The following PEAK1 variants were observed in gnomAD, a reference collection of about 807,000 sequenced individuals.
PEAK1 encodes the protein pseudopodium enriched atypical kinase 1.
In PEAK1, 54 loss-of-function variants were observed where a neutral mutation model predicts 124.7. The ratio of observed to expected loss-of-function variants is 0.43; its 90% CI spans 0.35 to 0.54. The LOEUF is 0.54. Ranked by LOEUF, PEAK1 falls within the 20% of genes least tolerant of loss-of-function variation. PEAK1 has a pLI of 0.01. For missense variants in PEAK1, 2,046 were observed against 2,134.5 expected (o/e 0.96, Z 0.82); for synonymous variants, 719 against 760.0 (o/e 0.95, Z 0.89).
At chr15:77,182,490 G>A (rs79036117) in intron 6 of PEAK1, among the ~76,000 whole-genome samples, 33,875 of 151,864 alleles carry the variant, frequency 0.22, 4,221 homozygotes, top group Middle Eastern at 0.29. Flanking sequence ...GCTCATGCCT[G>A]TAATCTCAGC....
At chr15:77,362,046 T>A (rs943834591) in intron 2 of PEAK1, among the ~76,000 whole-genome samples, 1 of 152,070 alleles carries the variant, frequency 6.6e-6, no homozygotes, top group Non-Finnish European at 1.5e-5. Context: ...CAGGGAGAGA[T>A]TTGTTAAAGA....
intron 2 of PEAK1, chr15:77,352,836 A>C (rs972210746): frequency 2.0e-6 from 2 of 985,430 alleles, no homozygotes; most frequent in Non-Finnish European, 2.4e-6. Flanking sequence ...ACAGGTGTTC[A>C]TAACAGCTTT....
At chr15:77,281,561 C>A (rs1018689104) in intron 5 of PEAK1, among the ~76,000 whole-genome samples, 1 of 152,084 alleles carries the variant, frequency 6.6e-6, no homozygotes, top group Admixed American at 6.6e-5. Flanking sequence ...CTAGAAAACC[C>A]TCATTGCAAT....
chr15:77,248,567 C>A (rs985125574), intron 6 of PEAK1, among the ~76,000 whole-genome samples: 1 of 152,130 alleles, frequency 6.6e-6, no homozygotes, highest in Non-Finnish European at 1.5e-5. Flanking sequence ...TCACTTGCCC[C>A]TTCTGCCATG....
chr15:77,196,479 T>C (rs1309302337), intron 6 of PEAK1, among the ~76,000 whole-genome samples: 1 of 152,206 alleles, frequency 6.6e-6, no homozygotes, highest in African/African-American at 2.4e-5. Context: ...AGTAGGAAAT[T>C]CCCCAAATCT....
intron 1 of PEAK1, chr15:77,381,194 C>T (rs1252199659): frequency 1.0e-6 from 1 of 977,574 alleles, no homozygotes; most frequent in African/African-American, 1.8e-5. Flanking sequence ...TAATCTAGGA[C>T]TACAGTTGGG....
chr15:77,354,392 T>G (rs2067380299), intron 2 of PEAK1, among the ~76,000 whole-genome samples: 1 of 152,226 alleles, frequency 6.6e-6, no homozygotes, highest in Non-Finnish European at 1.5e-5. Context: ...CTCTTCAAGT[T>G]ATCTCCTATC....
At chr15:77,396,846 T>A (rs1226134048) in intron 1 of PEAK1, among the ~76,000 whole-genome samples, 49 of 151,948 alleles carry the variant, frequency 3.2e-4, no homozygotes, top group Non-Finnish European at 5.9e-5. Context: ...TAAAGAGAGA[T>A]CTAGATCCCA....
At chr15:77,371,390 T>C in intron 1 of PEAK1, 1 of 947,624 alleles carries the variant, frequency 1.1e-6, no homozygotes, top group Non-Finnish European at 1.3e-6. Flanking sequence ...GAAAGTGTTG[T>C]AAAAGTGAAG....
At chr15:77,412,390 A>C (rs2072485561) in intron 1 of PEAK1, among the ~76,000 whole-genome samples, 1 of 152,198 alleles carries the variant, frequency 6.6e-6, no homozygotes, top group African/African-American at 2.4e-5. Context: ...CACCGTCCTC[A>C]AGTCTTCCTC....
chr15:77,283,835 AC>A, intron 5 of PEAK1, 47 bp downstream of exon 5: 1 of 919,082 alleles, frequency 1.1e-6, no homozygotes, highest in East Asian at 1.2e-4. Context: ...ATAAATGAAA[AC>A]CAAAATTAAA....
rs1462211130 is a variant in PEAK1 at position 77,313,726 on chromosome 15, G to GTGTA, written c.-602-27223_-602-27222insTACA. Among the ~76,000 whole-genome samples the GTGTA allele has an allele frequency of 2.7e-3, 298 of 108,566 alleles. 10 individuals are homozygous for GTGTA. Among genetic ancestry groups the GTGTA allele is most frequent in the African/African-American group, 9.5e-3 (277 of 29,262 alleles). 71.2% of individuals were successfully genotyped at this position (108,566 alleles called of 152,430 possible). On this transcript the variant is annotated intron_variant, in intron 2 of 9. Transcript: ENST00000682557. ...TATATGTATGTGTGTGTGTGTGTGT[G>GTGTA]TATATATATATATATTTATTTATTT... is the stretch of plus-strand genomic sequence containing the variant.
intron 6 of PEAK1, among the ~76,000 whole-genome samples, chr15:77,188,910 A>C (rs2057685312): frequency 6.6e-6 from 1 of 152,238 alleles, no homozygotes; most frequent in Middle Eastern, 3.4e-3. Flanking sequence ...AAAACTCATA[A>C]TTCGGCCAGG....
intron 2 of PEAK1, among the ~76,000 whole-genome samples, chr15:77,360,632 C>T (rs1304466352): frequency 6.6e-6 from 1 of 152,068 alleles, no homozygotes; most frequent in Non-Finnish European, 1.5e-5. Flanking sequence ...ACTGACTCTT[C>T]TTTATAGGTG....
chr15:77,202,593 C>T (rs953587812), intron 6 of PEAK1, among the ~76,000 whole-genome samples: 4 of 151,252 alleles, frequency 2.6e-5, no homozygotes, highest in Non-Finnish European at 4.4e-5. Context: ...GGTGAAACCC[C>T]GTCTCTACTA....
At chr15:77,279,536 T>C (rs1022548674) in intron 5 of PEAK1, among the ~76,000 whole-genome samples, 6 of 152,134 alleles carry the variant, frequency 3.9e-5, no homozygotes, top group South Asian at 2.1e-4. Flanking sequence ...CATTTCCAGA[T>C]TGTGGATCTT....
rs75912962 is a variant in PEAK1, at chr15:77,312,846, G to A, written c.-602-26342C>T. 4.3e-3 allele frequency among the ~76,000 whole-genome samples: 652 copies of A among 152,266 alleles called. 1 individual carries two copies. The highest frequency in any genetic ancestry group is 0.013 in the African/African-American group (557 of 41,550). Reference sequence around the variant, plus strand: ...GTCCCTGGCCAGCACTGTGTCACAGGGCCAACCCTAGCTGAAAGATGTCTA... The same window carrying A: ...GTCCCTGGCCAGCACTGTGTCACAGAGCCAACCCTAGCTGAAAGATGTCTA... On this transcript the variant is annotated intron_variant, in intron 2 of 9. Transcript: ENST00000682557.
chr15:77,401,538 C>A (rs1443283062), intron 1 of PEAK1: 2 of 974,690 alleles, frequency 2.1e-6, no homozygotes, highest in East Asian at 1.1e-4. Context: ...AATCACATTT[C>A]TTTTGTTTCT....
chr15:77,190,947 A>C (rs1359026949), intron 6 of PEAK1, among the ~76,000 whole-genome samples: 1 of 152,192 alleles, frequency 6.6e-6, no homozygotes, highest in Non-Finnish European at 1.5e-5. Context: ...GTTTTTTTGT[A>C]CTTAACTTTC....
Sources: allele counts gnomAD v4.1 joint callset (sites outside exome capture counted in the v4.1 genomes callset), GRCh38; gene constraint gnomAD v4.1.1; transcripts MANE v1.5; gene names NCBI Gene and HGNC (gene_info 2026-07-23, HGNC 2026-07-21).